Variants in CNKSR3 observed in about 807,000 individuals in gnomAD.
The protein encoded by CNKSR3 is CNKSR family member 3, also known as connector enhancer of kinase suppressor of ras 3.
CNKSR3 carries 36 observed loss-of-function variants against 67.7 expected under a neutral mutation model. The ratio of observed to expected loss-of-function variants is 0.53; its 90% CI spans 0.41 to 0.70. CNKSR3 has a LOEUF of 0.70. CNKSR3 is among the 30% of genes least tolerant of loss of function. The pLI is 0.00. For synonymous variants in CNKSR3, 281 were observed against 271.4 expected (o/e 1.04, Z -0.35); for missense variants, 630 against 695.2 (o/e 0.91, Z 1.05).
intron 1 of CNKSR3, among the ~76,000 whole-genome samples, chr6:154,450,529 C>T (rs1186409989): frequency 1.3e-5 from 2 of 152,162 alleles, no homozygotes; most frequent in African/African-American, 4.8e-5. Context: ...AACACCAAAC[C>T]CCTGTTGACT....
At chr6:154,430,163 T>G (rs1024830601) in intron 6 of CNKSR3, among the ~76,000 whole-genome samples, 2 of 152,250 alleles carry the variant, frequency 1.3e-5, no homozygotes, top group Admixed American at 1.3e-4. Flanking sequence ...ATGTTATTTT[T>G]GTACCCAGAG....
At position 154,402,175 on chromosome 6, in the gene CNKSR3, T is replaced by C. The variant is rs1315687788; in HGVS notation, c.*4179A>G. On this transcript the variant is annotated 3_prime_UTR_variant, in exon 13 of 13. Coordinates refer to ENST00000607772, the MANE Select transcript of CNKSR3 (RefSeq NM_173515.4). ...TCCGCCCAAGAGGCAGTTCTGGAAATGTGAGCATGTTAGGGGTGCCACTGA... is the reference window on the plus strand; with the variant it reads ...TCCGCCCAAGAGGCAGTTCTGGAAACGTGAGCATGTTAGGGGTGCCACTGA... 2 of 152,192 alleles carry C rather than the reference T, an allele frequency of 1.3e-5. No individual in the cohort carries two copies. Among genetic ancestry groups the C allele is most frequent in the East Asian group, 1.9e-4 (1 of 5,200 alleles). 9.4% of individuals were successfully genotyped at this position (152,192 alleles called of 1,614,324 possible).
chr6:154,429,774 C>T (rs1768577715), intron 6 of CNKSR3, among the ~76,000 whole-genome samples: 1 of 152,128 alleles, frequency 6.6e-6, no homozygotes, highest in Non-Finnish European at 1.5e-5. Flanking sequence ...GCTGCAGCCA[C>T]ATTAATGCAC....
chr6:154,486,988 G>A (rs933252030), intron 1 of CNKSR3, among the ~76,000 whole-genome samples: 16 of 151,718 alleles, frequency 1.1e-4, no homozygotes, highest in East Asian at 9.9e-4. Flanking sequence ...CTTTTTTTGC[G>A]GGGGCAGGTG....
chr6:154,399,853 G>C lies in CNKSR3; in HGVS notation c.*6501C>G, dbSNP rs1243167403. 1 of 152,022 alleles carries C rather than the reference G, an allele frequency of 6.6e-6. No individual in the cohort carries two copies. Among genetic ancestry groups the C allele is most frequent in the Non-Finnish European group, 1.5e-5 (1 of 68,010 alleles). The allele number at this position is 152,022 out of a possible 1,614,324, so 9.4% of individuals were successfully genotyped here. On this transcript the variant is annotated 3_prime_UTR_variant, in exon 13 of 13. Transcript: ENST00000607772. ...TGGTGAAGAAATATCTTAAAATCCA[G>C]TTTTCACCCCTCTAACAATAAAGTT...
At chr6:154,491,534 A>C (rs12530099) in intron 1 of CNKSR3, among the ~76,000 whole-genome samples, 40,960 of 152,166 alleles carry the variant, frequency 0.27, 5,664 homozygotes, top group Admixed American at 0.34. Context: ...AAAGGTAAAT[A>C]CTTAATAACA....
chr6:154,494,528 T>A (rs1000056758), intron 1 of CNKSR3, among the ~76,000 whole-genome samples: 1 of 152,044 alleles, frequency 6.6e-6, no homozygotes, highest in Non-Finnish European at 1.5e-5. Context: ...CGGAGAAAGG[T>A]AAATATAAGA....
At chr6:154,475,741 G>A (rs1786432010) in intron 1 of CNKSR3, among the ~76,000 whole-genome samples, 1 of 152,208 alleles carries the variant, frequency 6.6e-6, no homozygotes, top group African/African-American at 2.4e-5. Context: ...AAGTACTGTG[G>A]CTAGCTCTGC....
At chr6:154,490,992 C>T (rs770610792) in intron 1 of CNKSR3, among the ~76,000 whole-genome samples, 24 of 152,000 alleles carry the variant, frequency 1.6e-4, no homozygotes, top group South Asian at 2.1e-4. Context: ...GGATTACAAG[C>T]GCCCGCCACC....
Position 154,397,362 on chromosome 6 carries a change from C to A in CNKSR3, c.*8992G>T, listed in dbSNP as rs1465919958. 6.6e-6 allele frequency: 1 copy of A among 152,152 alleles called. No individual in the cohort carries two copies. The highest frequency in any genetic ancestry group is 1.5e-5 in the Non-Finnish European group (1 of 68,032). The allele number at this position is 152,152 out of a possible 1,614,324, so 9.4% of individuals were successfully genotyped here. ...CTTAAAAACAAAAGGAGAAGCAAAA[C>A]CCTGAAAGATCTTGGTTTAATTCTT... is the stretch of plus-strand genomic sequence containing the variant. On this transcript the variant is annotated 3_prime_UTR_variant, in exon 13 of 13. Transcript: ENST00000607772.
intron 7 of CNKSR3, among the ~76,000 whole-genome samples, chr6:154,427,081 C>T (rs939553563): frequency 9.9e-5 from 15 of 152,204 alleles, no homozygotes; most frequent in African/African-American, 9.6e-5. Context: ...AGGGCTTCCT[C>T]GCTGCAGCTC....
chr6:154,410,964 T>A lies in CNKSR3; in HGVS notation c.1249A>T (p.Thr417Ser). The A allele has an allele frequency of 6.2e-7, 1 of 1,612,878 alleles. No homozygotes were observed. The highest frequency in any genetic ancestry group is 8.5e-7 in the Non-Finnish European group (1 of 1,179,156). ...GYSVETNILPTKMREKTPSYG... is the reference protein window; with the variant it reads ...GYSVETNILPSKMREKTPSYG... The stretch of plus-strand genomic sequence containing the variant: ...GATGGTGTTTTCTCTCTCATTTTTG[T>A]GGGCAGAATGTTGGTTTCCACCGAG... The change falls in exon 11 of 13, where the codon ACA (threonine) becomes TCA (serine). Residue 417 changes from threonine to serine, a missense_variant. Physicochemically the swap from Thr to Ser is moderately conservative, Grantham distance 58. This residue lies in a region of CNKSR3 where 308 missense variants were observed against 299.6 expected (regional missense o/e 1.03). Coordinates refer to ENST00000607772, the MANE Select transcript of CNKSR3 (RefSeq NM_173515.4).
At chr6:154,507,519 C>T (rs1787125146) in intron 1 of CNKSR3, among the ~76,000 whole-genome samples, 1 of 152,068 alleles carries the variant, frequency 6.6e-6, no homozygotes, top group Non-Finnish European at 1.5e-5. Flanking sequence ...TTTTGTAAGT[C>T]GATAGTTCAT....
intron 1 of CNKSR3, among the ~76,000 whole-genome samples, chr6:154,484,695 CAAA>C (rs1166789172): frequency 6.1e-5 from 4 of 65,532 alleles, no homozygotes; most frequent in Admixed American, 1.8e-4. Flanking sequence ...GAGCAAGACT[CAAA>C]AAAAAAAAAA....
chr6:154,443,018 C>T (rs1437488892), intron 2 of CNKSR3, among the ~76,000 whole-genome samples: 1 of 152,156 alleles, frequency 6.6e-6, no homozygotes, highest in Non-Finnish European at 1.5e-5. Context: ...CTGCCTCAGC[C>T]TCCTGAATAG....
intron 1 of CNKSR3, among the ~76,000 whole-genome samples, chr6:154,494,502 T>C (rs563494372): frequency 1.3e-5 from 2 of 152,126 alleles, no homozygotes; most frequent in African/African-American, 4.8e-5. Flanking sequence ...AATAGAACTG[T>C]CAAGGAAACA....
At chr6:154,410,603 T>C (rs1042721062) in intron 11 of CNKSR3, among the ~76,000 whole-genome samples, 171 bp from the exon 12 acceptor site, 1 of 152,100 alleles carries the variant, frequency 6.6e-6, no homozygotes, top group Non-Finnish European at 1.5e-5. Context: ...TAGCAGGAAA[T>C]AGAGTGCTAC....
At chr6:154,478,529 C>G (rs990593378) in intron 1 of CNKSR3, 2 of 152,284 alleles carry the variant, frequency 1.3e-5, no homozygotes, top group Admixed American at 6.6e-5. Context: ...CTTAAAGTCC[C>G]GGAGCTGTGA....
chr6:154,495,356 C>CTTT (rs149762490), intron 1 of CNKSR3, among the ~76,000 whole-genome samples: 3 of 129,618 alleles, frequency 2.3e-5, no homozygotes, highest in Admixed American at 7.9e-5. Context: ...GAATTCAACA[C>CTTT]TTTTTTTTTT....
Sources: allele counts gnomAD v4.1 joint callset (sites outside exome capture counted in the v4.1 genomes callset), GRCh38; gene constraint gnomAD v4.1.1; regional missense constraint gnomAD v4.1.1; transcripts MANE v1.5; gene names NCBI Gene and HGNC (gene_info 2026-07-23, HGNC 2026-07-21).